Variants in ACAA2 observed in about 807,000 individuals in gnomAD.
The protein encoded by ACAA2 is 3-ketoacyl-CoA thiolase, mitochondrial.
Under a neutral mutation model 44.8 loss-of-function variants are expected in ACAA2, and 35 were observed. The ratio of observed to expected loss-of-function variants is 0.78; its 90% confidence interval spans 0.60 to 1.04. The LOEUF is 1.04. ACAA2 is among the 50% of genes least tolerant of loss of function. The pLI is 0.00. For synonymous variants in ACAA2, 142 were observed against 166.5 expected, an observed-to-expected ratio of 0.85 and a Z score of 1.13; for missense variants, 468 against 482.6, an observed-to-expected ratio of 0.97 and a Z score of 0.28.
intron 7 of ACAA2, among the ~76,000 whole-genome samples, chr18:49,790,322 T>C (rs949245377): frequency 1.3e-5 from 2 of 152,344 alleles, no homozygotes; most frequent in South Asian, 2.1e-4. Context: ...TACAGAGATA[T>C]GTCTTCTCTG....
At chr18:49,797,254 T>G (rs1293400814) in intron 3 of ACAA2, among the ~76,000 whole-genome samples, 1 of 150,246 alleles carries the variant, frequency 6.7e-6, no homozygotes, top group African/African-American at 2.5e-5. Context: ...CACTTTCAGG[T>G]TCATTATTAG....
intron 7 of ACAA2, among the ~76,000 whole-genome samples, chr18:49,788,791 AACTCGAT>A (rs2023363843): frequency 1.3e-5 from 2 of 152,188 alleles, no homozygotes; most frequent in Non-Finnish European, 2.9e-5. Context: ...GCTAGGCCAT[AACTCGAT>A]TTTTAAAGGA....
rs1212523626 is a variant in ACAA2, at chr18:49,794,839, T to C, written c.430-412A>G. On this transcript the variant is annotated intron_variant, in intron 4 of 9. Coordinates refer to ENST00000285093, the MANE Select transcript of ACAA2 (RefSeq NM_006111.3). Reference sequence around the variant, plus strand: ...CCCTGAGCTCTGTAATAAACAGTATTATCTGTTTTTCTTTTTCATCCTGCG... The same window carrying C: ...CCCTGAGCTCTGTAATAAACAGTATCATCTGTTTTTCTTTTTCATCCTGCG... 2.0e-5 allele frequency among the ~76,000 whole-genome samples: 3 copies of C among 152,228 alleles called. No individual in the cohort carries two copies. The East Asian group carries it at 5.8e-4, about 29-fold the overall frequency.
Position 49,795,872 on chromosome 18 carries a change from C to T in ACAA2, c.322G>A (p.Val108Ile). Residue 108 changes from valine to isoleucine, a missense_variant, in exon 4 of 10, where the codon GTT becomes ATT. By Grantham distance (29) the Val-to-Ile change is conservative. Coordinates refer to ENST00000285093, the MANE Select transcript of ACAA2 (RefSeq NM_006111.3). ...CATAAAACAACTTCAGCTTCTTTAA[C>T]ACAAATTTCCTATTTAAAAACAAAC... The part of the protein sequence containing the change: ...SIVNGCQEIC[V>I]KEAEVVLCGG... The T allele has an allele frequency of 1.2e-6, 2 of 1,607,376 alleles. No individual in the cohort carries two copies. The highest frequency in any genetic ancestry group is 1.7e-6 in the Non-Finnish European group (2 of 1,175,644).
chr18:49,803,121 C>T (rs1220051486), intron 1 of ACAA2, among the ~76,000 whole-genome samples: 2 of 151,916 alleles, frequency 1.3e-5, no homozygotes, highest in Non-Finnish European at 1.5e-5. Flanking sequence ...CTGCGCACCC[C>T]GCCCCCCTTG....
At chr18:49,785,460 A>C in intron 8 of ACAA2, 109 bp from the exon 9 acceptor site, 1 of 1,059,264 alleles carries the variant, frequency 9.4e-7, no homozygotes, top group Non-Finnish European at 1.4e-6. Flanking sequence ...CTTCCTATTT[A>C]AATTACCTCG....
intron 9 of ACAA2, among the ~76,000 whole-genome samples, chr18:49,784,902 G>A (rs115411161): frequency 0.013 from 1,921 of 152,180 alleles, 34 homozygotes; most frequent in African/African-American, 0.043. Flanking sequence ...GCCATGAGAA[G>A]CAGGGCCTCA....
chr18:49,801,131 A>T (rs978965155), intron 2 of ACAA2, among the ~76,000 whole-genome samples: 1 of 152,344 alleles, frequency 6.6e-6, no homozygotes, highest in Non-Finnish European at 1.5e-5. Flanking sequence ...TTAATAATAT[A>T]AAACTCAATT....
At chr18:49,807,790 C>T (rs887878385) in intron 1 of ACAA2, among the ~76,000 whole-genome samples, 1 of 152,100 alleles carries the variant, frequency 6.6e-6, no homozygotes, top group Admixed American at 6.5e-5. Context: ...GTGTTCACAC[C>T]ACTGTACTCC....
chr18:49,794,462 G>T, intron 4 of ACAA2, 35 bp from the exon 5 acceptor site: 1 of 1,454,756 alleles, frequency 6.9e-7, no homozygotes, highest in Non-Finnish European at 9.1e-7. Context: ...ACTTGTTAAG[G>T]CATTTCCTTT....
At chr18:49,784,176 G>T (rs116670740) in intron 9 of ACAA2, among the ~76,000 whole-genome samples, 3 of 152,088 alleles carry the variant, frequency 2.0e-5, no homozygotes, top group African/African-American at 7.2e-5. Context: ...AAACTAAAAA[G>T]GAGATGAGTG....
chr18:49,803,735 A>G (rs767010564), intron 1 of ACAA2, among the ~76,000 whole-genome samples: 6 of 152,186 alleles, frequency 3.9e-5, no homozygotes, highest in Admixed American at 6.5e-5. Flanking sequence ...TCTCCAAACT[A>G]GAAGGTGCCT....
At chr18:49,798,880 G>A (rs561276365) in intron 2 of ACAA2, among the ~76,000 whole-genome samples, 32 of 152,050 alleles carry the variant, frequency 2.1e-4, no homozygotes, top group African/African-American at 3.4e-4. Context: ...AAATTTACAC[G>A]ATCATCTCGT....
At chr18:49,797,324 G>A (rs1438929261) in intron 3 of ACAA2, 142 bp downstream of exon 3, 1 of 565,406 alleles carries the variant, frequency 1.8e-6, no homozygotes, top group Non-Finnish European at 2.9e-6. Flanking sequence ...CATGGCTGGA[G>A]TGCAGTGGTA....
In ACAA2 at chr18:49,794,262, C is replaced by A; in HGVS notation, c.577+18G>T. ...GATATTTATTCTATAGATACTGATA[C>A]TTTCCAGTTTCACTCACCAGCTTTC... On this transcript the variant is annotated intron_variant, in intron 5 of 9. Coordinates refer to ENST00000285093, the MANE Select transcript of ACAA2 (RefSeq NM_006111.3). 1 of 1,582,718 alleles carries A rather than the reference C, an allele frequency of 6.3e-7. No homozygotes were observed. Among genetic ancestry groups the A allele is most frequent in the East Asian group, 2.3e-5 (1 of 44,128 alleles).
In ACAA2 at chr18:49,787,277, A is replaced by AAAAAC; in HGVS notation, c.954+13_954+14insGTTTT. The AAAAAC allele has an allele frequency of 4.8e-6, 7 of 1,465,188 alleles. No individual in the cohort carries two copies. The highest frequency in any genetic ancestry group is 1.5e-5 in the African/African-American group (1 of 67,510). 90.8% of individuals were successfully genotyped at this position (1,465,188 alleles called of 1,614,324 possible). ...CATGTTGTTAAAAAAAAAAAAAAAA[A>AAAAAC]AAAAAACACTTACCTCTACCAAATC... is the stretch of plus-strand genomic sequence containing the variant. On this transcript the variant is annotated intron_variant, in intron 8 of 9. Coordinates refer to ENST00000285093, the MANE Select transcript of ACAA2 (RefSeq NM_006111.3).
chr18:49,813,275 T>C (rs2023692576), intron 1 of ACAA2, among the ~76,000 whole-genome samples, 194 bp downstream of exon 1: 1 of 152,216 alleles, frequency 6.6e-6, no homozygotes, highest in Non-Finnish European at 1.5e-5. Context: ...GCTAGCGCCT[T>C]ACAAGTAAGG....
At chr18:49,793,292 C>T (rs2023427450) in intron 5 of ACAA2, among the ~76,000 whole-genome samples, 2 of 152,170 alleles carry the variant, frequency 1.3e-5, no homozygotes, top group Non-Finnish European at 2.9e-5. Flanking sequence ...TAATACTAAC[C>T]TTAATTTTCA....
intron 2 of ACAA2, 127 bp downstream of exon 2, chr18:49,802,560 C>CAA (rs74176744): frequency 0.27 from 158,192 of 585,254 alleles, 11,166 homozygotes; most frequent in African/African-American, 0.29. Context: ...GACTCCATCT[C>CAA]AAAAAAAAAA....
Sources: gnomAD v4.1 joint callset for allele counts (sites outside exome capture counted in the v4.1 genomes callset) on GRCh38, gnomAD v4.1.1 for gene constraint, MANE v1.5 for transcripts, NCBI Gene and HGNC (gene_info 2026-07-23, HGNC 2026-07-21) for gene names.